Variants in BTNL9 observed in about 807,000 individuals in gnomAD.
BTNL9 encodes butyrophilin like 9, also known as butyrophilin-like protein 9.
Under a neutral mutation model 45.8 loss-of-function variants are expected in BTNL9, and 45 were observed. That is an observed-to-expected ratio of 0.98 (90% confidence interval 0.77 to 1.26). BTNL9 has a LOEUF of 1.26. Among genes scored for constraint, BTNL9 ranks in the 50% most tolerant of loss-of-function variants. The probability of loss-of-function intolerance (pLI) is 0.00; values close to 1 mark genes in which losing one functional copy is unlikely to be tolerated. For synonymous variants in BTNL9, 346 were observed against 330.8 expected, an observed-to-expected ratio of 1.05 and a Z score of -0.50; for missense variants, 784 against 729.7, an observed-to-expected ratio of 1.07 and a Z score of -0.86.
chr5:181,041,798 G>A (rs1760786851), intron 1 of BTNL9, among the ~76,000 whole-genome samples: 1 of 152,182 alleles, frequency 6.6e-6, no homozygotes, highest in Non-Finnish European at 1.5e-5. Flanking sequence ...AAAAGACTTA[G>A]TTTGAGTAAG....
At chr5:181,054,505 T>A in intron 7 of BTNL9, 1 of 985,480 alleles carries the variant, frequency 1.0e-6, no homozygotes, top group Non-Finnish European at 1.2e-6. Context: ...TCAGTTAAAA[T>A]TCATCATAAA....
In BTNL9 at chr5:181,060,169, G is replaced by A. The variant is rs1762095968; in HGVS notation, c.*307G>A. Reference sequence around the variant, plus strand: ...CAAGAAGCCAGCATGGAAGAAAGAAGGGAGAAAACTTTGGTGACTGCCTTA... The same window carrying A: ...CAAGAAGCCAGCATGGAAGAAAGAAAGGAGAAAACTTTGGTGACTGCCTTA... On this transcript the variant is annotated 3_prime_UTR_variant, in exon 11 of 11. Transcript: ENST00000327705. The A allele has an allele frequency of 2.5e-6, 1 of 406,074 alleles. No homozygotes were observed. The highest frequency in any genetic ancestry group is 4.4e-6 in the Non-Finnish European group (1 of 229,688). The allele number at this position is 406,074 out of a possible 1,614,324, so 25.2% of individuals were successfully genotyped here.
At chr5:181,057,639 C>T (rs940601756) in intron 9 of BTNL9, among the ~76,000 whole-genome samples, 1 of 152,124 alleles carries the variant, frequency 6.6e-6, no homozygotes, top group South Asian at 2.1e-4. Context: ...TCATAAATCT[C>T]CCCAAAAAAT....
Position 181,055,105 on chromosome 5 carries a change from G to A in BTNL9, c.908-328G>A. 1.8e-6 allele frequency: 2 copies of A among 1,138,096 alleles called. No individual in the cohort carries two copies. Among genetic ancestry groups the A allele is most frequent in the Non-Finnish European group, 2.2e-6 (2 of 926,748 alleles). The allele number at this position is 1,138,096 out of a possible 1,614,324, so 70.5% of individuals were successfully genotyped here. ...GCCCTCAGTGCCTGCACTTAGGCGG[G>A]AGCTCCGCCCCAGGAAGCTTGTGAT... On this transcript the variant is annotated intron_variant, in intron 7 of 10. Transcript: ENST00000327705. The surrounding 1 kb of genome is among the most constrained non-coding windows in gnomAD (Gnocchi z 4.4).
rs1400961783 is a variant in BTNL9, at chr5:181,059,865, C to T, written c.*3C>T. 4 of 1,544,292 alleles carry T rather than the reference C, an allele frequency of 2.6e-6. No individual in the cohort carries two copies. Among genetic ancestry groups the T allele is most frequent in the Admixed American group, 1.9e-5 (1 of 53,704 alleles). ...ACCCCGCCCTGGACTGGTGGTGAGG[C>T]GCCCTCGTGGCCGCGGGACTGGCCC... is the stretch of plus-strand genomic sequence containing the variant. On this transcript the variant is annotated 3_prime_UTR_variant, in exon 11 of 11. Transcript: ENST00000327705.
intron 9 of BTNL9, 52 bp downstream of exon 9, chr5:181,056,067 C>T (rs552278491): frequency 1.3e-6 from 2 of 1,595,918 alleles, no homozygotes; most frequent in African/African-American, 2.7e-5. Context: ...TCTGAGCACC[C>T]CAGTCCAACT....
chr5:181,055,597 G>A lies in BTNL9; in HGVS notation c.928+144G>A, dbSNP rs113008602. 463 of 975,286 alleles carry A rather than the reference G, an allele frequency of 4.7e-4. 1 individual carries two copies. In the African/African-American group the frequency reaches 6.0e-3, roughly 13 times the overall value. The allele number at this position is 975,286 out of a possible 1,614,324, so 60.4% of individuals were successfully genotyped here. On this transcript the variant is annotated intron_variant, in intron 8 of 10. Transcript: ENST00000327705. The surrounding 1 kb of genome is among the most constrained non-coding windows in gnomAD (Gnocchi z 4.4). Reference sequence around the variant, plus strand: ...AGCCTGGCTAACACAGTGAAACCCCGTCTCTTCTAAAAATACAAAAAATTA... The same window carrying A: ...AGCCTGGCTAACACAGTGAAACCCCATCTCTTCTAAAAATACAAAAAATTA...
chr5:181,044,365 C>T (rs1187659223), intron 1 of BTNL9, among the ~76,000 whole-genome samples: 16 of 152,224 alleles, frequency 1.1e-4, no homozygotes, highest in African/African-American at 2.9e-4. Flanking sequence ...TGGGGGCCGA[C>T]GGGGAGACAG....
In BTNL9 at chr5:181,048,149, T is replaced by G. The variant is rs1761287339; in HGVS notation, c.332T>G (p.Ile111Ser). The change falls in exon 3 of 11, where the codon ATC (isoleucine) becomes AGC (serine). Residue 111 changes from isoleucine to serine, a missense_variant. Transcript: ENST00000327705. ...AGGACCAAGTTGGTCAAGGACGACATCGCCTATGGCAGCGTGGTCCTGCAG... is the reference window on the plus strand; with the variant it reads ...AGGACCAAGTTGGTCAAGGACGACAGCGCCTATGGCAGCGTGGTCCTGCAG... ...RNRTKLVKDD[I>S]AYGSVVLQLH... The G allele has an allele frequency of 4.3e-6, 7 of 1,613,478 alleles. No homozygotes were observed. The highest frequency in any genetic ancestry group is 1.3e-5 in the African/African-American group (1 of 74,930).
intron 3 of BTNL9, among the ~76,000 whole-genome samples, chr5:181,048,648 G>A (rs988836754): frequency 1.7e-4 from 26 of 150,286 alleles, no homozygotes; most frequent in Non-Finnish European, 3.4e-4. Flanking sequence ...TGAGGTGGAA[G>A]GATCTGGCTG....
At position 181,042,141 on chromosome 5, in the gene BTNL9, G is replaced by C. The variant is rs1028582884; in HGVS notation, c.-24+1709G>C. Among the ~76,000 whole-genome samples the C allele has an allele frequency of 5.3e-5, 8 of 152,188 alleles. No individual in the cohort carries two copies. The highest frequency in any genetic ancestry group is 8.8e-5 in the Non-Finnish European group (6 of 68,030). On this transcript the variant is annotated intron_variant, in intron 1 of 10. Coordinates refer to ENST00000327705, the MANE Select transcript of BTNL9 (RefSeq NM_152547.5). This position sits in a 1 kb window ranked among gnomAD's most constrained non-coding sequence, Gnocchi z 4.5. ...AAAATAAAAAGAGAAGGAGAAGAAA[G>C]AAATGGGCTTTTGCTGGGTGCAGGC... is the stretch of plus-strand genomic sequence containing the variant.
chr5:181,056,973 G>T (rs6869019), intron 9 of BTNL9: 27,858 of 213,438 alleles, frequency 0.13, 2,721 homozygotes, highest in African/African-American at 0.29. Flanking sequence ...CTTATGGGAT[G>T]GCTGTCTTTT....
intron 2 of BTNL9, among the ~76,000 whole-genome samples, chr5:181,047,149 G>A (rs1436245404): frequency 6.6e-6 from 1 of 152,138 alleles, no homozygotes; most frequent in Non-Finnish European, 1.5e-5. Context: ...AGAAGAGTGA[G>A]TGCCTGTGGG....
At chr5:181,058,805 G>C (rs1762010065) in intron 10 of BTNL9, among the ~76,000 whole-genome samples, 3 of 148,148 alleles carry the variant, frequency 2.0e-5, no homozygotes, top group Non-Finnish European at 3.0e-5. Context: ...TTTTCTGAAG[G>C]ACTGTATGTA....
chr5:181,048,779 ATAT>A lies in BTNL9; in HGVS notation c.454+511_454+513del, dbSNP rs1245146792. Reference sequence around the variant, plus strand: ...GATATAGATATATATAGTATGCTATATATTAATTATATAGTTATATATTATATA... The same window carrying A: ...GATATAGATATATATAGTATGCTATATAATTATATAGTTATATATTATATA... On this transcript the variant is annotated intron_variant, in intron 3 of 10. Transcript: ENST00000327705. Among the ~76,000 whole-genome samples, 29 of 36,498 alleles carry A rather than the reference ATAT, an allele frequency of 7.9e-4. 2 individuals are homozygous for A. The highest frequency in any genetic ancestry group is 2.1e-3 in the African/African-American group (28 of 13,036). The allele number at this position is 36,498 out of a possible 152,430, so 23.9% of individuals were successfully genotyped here.
rs1416304441 is a variant in BTNL9 at position 181,048,247 on chromosome 5, G to C, written c.430G>C (p.Ala144Pro). The change falls in exon 3 of 11, where the codon GCT (alanine) becomes CCT (proline). Residue 144 changes from alanine (A) to proline (P), a missense_variant. Coordinates refer to ENST00000327705, the MANE Select transcript of BTNL9 (RefSeq NM_152547.5). ...RFHSDNFSGE[A>P]LWELEVAGLG... ...CCACTCCGACAACTTCTCTGGCGAA[G>C]CTCTCTGGGAACTGGAGGTAGCAGG... The C allele has an allele frequency of 3.1e-5, 50 of 1,611,322 alleles. No homozygotes were observed. The highest frequency in any genetic ancestry group is 4.2e-5 in the Non-Finnish European group (49 of 1,178,502).
chr5:181,047,863 G>C, intron 2 of BTNL9, 64 bp from the exon 3 acceptor site: 1 of 1,357,032 alleles, frequency 7.4e-7, no homozygotes, highest in Non-Finnish European at 1.0e-6. Context: ...CTATAAAGGG[G>C]TGTGATAACT....
At chr5:181,052,886 T>G (rs1761626644) in intron 4 of BTNL9, 1 of 132,326 alleles carries the variant, frequency 7.6e-6, no homozygotes, top group South Asian at 2.5e-4. Flanking sequence ...CCTGGGACCC[T>G]CCCGCCTGCG....
At chr5:181,044,394 G>A (rs145493857) in intron 1 of BTNL9, among the ~76,000 whole-genome samples, 2 of 152,272 alleles carry the variant, frequency 1.3e-5, no homozygotes, top group Non-Finnish European at 2.9e-5. Context: ...GGAGAGAGGA[G>A]CCCACCGTGG....
Sources: gnomAD v4.1 joint callset for allele counts (sites outside exome capture counted in the v4.1 genomes callset) on GRCh38, gnomAD v4.1.1 for gene constraint, Gnocchi (gnomAD v3.1) non-coding constraint, MANE v1.5 for transcripts, NCBI Gene and HGNC (gene_info 2026-07-23, HGNC 2026-07-21) for gene names.